NUP155: variants seen among roughly 807,000 people sequenced by gnomAD.
NUP155 encodes the protein nucleoporin 155.
Under a neutral mutation model 180.4 loss-of-function variants are expected in NUP155, and 71 were observed. The ratio of observed to expected loss-of-function variants is 0.39; its 90% CI spans 0.33 to 0.48. NUP155 has a LOEUF of 0.48. Among genes scored for constraint, NUP155 ranks in the 20% least tolerant of loss-of-function variants. The pLI, the probability that NUP155 is intolerant of heterozygous loss-of-function variation, is 0.91. For synonymous variants in NUP155, 582 were observed against 559.5 expected (o/e 1.04, Z -0.57); for missense variants, 1,553 against 1,648.9 (o/e 0.94, Z 1.01).
In NUP155 at chr5:37,290,111, ATGTAT is replaced by A. The variant is rs1383998808; in HGVS notation, c.*1784_*1788del. On this transcript the variant is annotated 3_prime_UTR_variant, in exon 35 of 35. Transcript: ENST00000231498. ...TAATGGAAGGAAAAATATATTCAAA[ATGTAT>A]TGTACAAATTGTTAGACATGCATCA... 1 of 152,212 alleles carries A rather than the reference ATGTAT, an allele frequency of 6.6e-6. No individual in the cohort carries two copies. The highest frequency in any genetic ancestry group is 1.5e-5 in the Non-Finnish European group (1 of 68,038). 9.4% of individuals were successfully genotyped at this position (152,212 alleles called of 1,614,324 possible). A position where few individuals can be genotyped will look rare whatever the true frequency, so the allele number is the denominator to read the frequency against.
At chr5:37,369,547 T>A (rs532434216) in intron 1 of NUP155, among the ~76,000 whole-genome samples, 3 of 151,844 alleles carry the variant, frequency 2.0e-5, no homozygotes, top group Non-Finnish European at 4.4e-5. Flanking sequence ...TGCACTGTTT[T>A]TATATCTTGT....
chr5:37,357,395 A>C (rs974658912), intron 4 of NUP155, among the ~76,000 whole-genome samples: 2 of 107,408 alleles, frequency 1.9e-5, no homozygotes, highest in African/African-American at 7.3e-5. Context: ...TAAGACCTTA[A>C]TCTCAAAAAA....
intron 20 of NUP155, among the ~76,000 whole-genome samples, chr5:37,318,791 C>T (rs1314679613): frequency 6.6e-6 from 1 of 151,994 alleles, no homozygotes; most frequent in Admixed American, 6.6e-5. Context: ...GAAGATATAC[C>T]TAAAGACATC....
chr5:37,317,172 A>T (rs1234723194), intron 21 of NUP155, among the ~76,000 whole-genome samples: 3 of 150,058 alleles, frequency 2.0e-5, no homozygotes, highest in Non-Finnish European at 4.4e-5. Context: ...CTGTCTCAAA[A>T]AAATAAATAA....
chr5:37,328,228 A>C, intron 17 of NUP155, 130 bp downstream of exon 17: 316 of 669,884 alleles, frequency 4.7e-4, no homozygotes, highest in Non-Finnish European at 6.9e-4. Context: ...TTGCTTGGAC[A>C]GCGCTTCTAA....
rs140633215 is a variant in NUP155, at chr5:37,308,991, G to A, written c.2767+138C>T. On this transcript the variant is annotated intron_variant, in intron 24 of 34. Coordinates refer to ENST00000231498, the MANE Select transcript of NUP155 (RefSeq NM_153485.3). Reference sequence around the variant, plus strand: ...CAACACAATGATACCACATTCCTACGTCCTTTCACTCGGCCTCTGATGCTG... The same window carrying A: ...CAACACAATGATACCACATTCCTACATCCTTTCACTCGGCCTCTGATGCTG... 3.3e-4 allele frequency: 251 copies of A among 766,304 alleles called. No homozygotes were observed. In the African/African-American group the frequency reaches 3.7e-3, roughly 11 times the overall value. The allele number at this position is 766,304 out of a possible 1,614,324, so 47.5% of individuals were successfully genotyped here. A position where few individuals can be genotyped will look rare whatever the true frequency, so the allele number is the denominator to read the frequency against.
At chr5:37,341,470 T>C (rs1014498291) in intron 10 of NUP155, among the ~76,000 whole-genome samples, 1 of 152,216 alleles carries the variant, frequency 6.6e-6, no homozygotes, top group African/African-American at 2.4e-5. Context: ...CAAGCGATTC[T>C]CCTGCCTTAG....
chr5:37,365,711 G>GAAAAAAAAAAAAAAAAA (rs1747518236), intron 1 of NUP155, among the ~76,000 whole-genome samples: 1 of 34,004 alleles, frequency 2.9e-5, no homozygotes. Flanking sequence ...CTGTCTCGGG[G>GAAAAAAAAAAAAAAAAA]AGAAAAAAAA....
chr5:37,313,782 C>CCT (rs1743683348), intron 22 of NUP155, among the ~76,000 whole-genome samples: 1 of 152,078 alleles, frequency 6.6e-6, no homozygotes, highest in Non-Finnish European at 1.5e-5. Context: ...GGATCACAGG[C>CCT]GTGAGGCATG....
At chr5:37,316,225 A>G (rs1193089152) in intron 21 of NUP155, among the ~76,000 whole-genome samples, 1 of 152,252 alleles carries the variant, frequency 6.6e-6, no homozygotes, top group Non-Finnish European at 1.5e-5. Context: ...ACATATACAC[A>G]ATAGAAATTA....
chr5:37,307,205 A>AAAC, intron 25 of NUP155, 92 bp downstream of exon 25: 1 of 1,375,238 alleles, frequency 7.3e-7, no homozygotes, highest in African/African-American at 1.5e-5. Flanking sequence ...CTCAAAAAAA[A>AAAC]AAAAAAAACA....
chr5:37,349,058 C>CTTT, intron 8 of NUP155, 114 bp downstream of exon 8: 6 of 280,086 alleles, frequency 2.1e-5, no homozygotes, highest in South Asian at 6.7e-5. Flanking sequence ...GCCCAGCAGG[C>CTTT]TTTTTTTTTT....
chr5:37,309,431 G>T, intron 23 of NUP155, 164 bp from the exon 24 acceptor site: 1 of 628,192 alleles, frequency 1.6e-6, no homozygotes, highest in Non-Finnish European at 2.7e-6. Context: ...AAAAGTTTTT[G>T]ACCAAAGATT....
intron 9 of NUP155, among the ~76,000 whole-genome samples, chr5:37,343,881 A>T (rs1397767492): frequency 6.6e-6 from 1 of 151,724 alleles, no homozygotes; most frequent in African/African-American, 2.4e-5. Context: ...ACAGACTGAG[A>T]CTCTATCTCA....
chr5:37,313,504 T>TGTGTGTGA (rs530096354), intron 22 of NUP155, among the ~76,000 whole-genome samples: 33 of 129,224 alleles, frequency 2.6e-4, no homozygotes, highest in African/African-American at 9.3e-4. Flanking sequence ...TGTGTGTGTG[T>TGTGTGTGA]GAGAGAGACA....
rs1246678352 is a variant in NUP155 at position 37,330,102 on chromosome 5, G to T, written c.1660C>A (p.Leu554Ile). 1 of 1,613,390 alleles carries T rather than the reference G, an allele frequency of 6.2e-7. No individual in the cohort carries two copies. The highest frequency in any genetic ancestry group is 2.2e-5 in the East Asian group (1 of 44,866). The change falls in exon 15 of 35, where the codon CTT becomes ATT. Residue 554 changes from leucine (L) to isoleucine (I), a missense_variant. Leu to Ile is a conservative substitution (Grantham distance 5). Transcript: ENST00000231498. ...TCACAGGCAGCAGTGGAGCAAGCAA[G>T]AATAAGGCAAGTTGCACAAGCCTGG... The part of the protein sequence containing the change: ...EDQACATCLI[L>I]ACSTAACDRE...
In NUP155 at chr5:37,367,572, G is replaced by A. The variant is rs1384155700; in HGVS notation, c.158-3188C>T. Among the ~76,000 whole-genome samples the A allele has an allele frequency of 3.5e-5, 5 of 144,682 alleles. No individual in the cohort carries two copies. The South Asian group carries it at 6.5e-4, about 19-fold the overall frequency. 94.9% of individuals were successfully genotyped at this position (144,682 alleles called of 152,430 possible). On this transcript the variant is annotated intron_variant, in intron 1 of 34. Coordinates refer to ENST00000231498, the MANE Select transcript of NUP155 (RefSeq NM_153485.3). ...TTTTGAGACGGAGTCTCACTCTGTCGCCCAGGCTGGAATGCAGTGGCGCGA... is the reference window on the plus strand; with the variant it reads ...TTTTGAGACGGAGTCTCACTCTGTCACCCAGGCTGGAATGCAGTGGCGCGA...
intron 14 of NUP155, 52 bp from the exon 15 acceptor site, chr5:37,330,184 A>G: frequency 1.6e-6 from 2 of 1,247,396 alleles, no homozygotes; most frequent in Non-Finnish European, 1.2e-6. Flanking sequence ...TTTTAAAATG[A>G]TTTGTGTACT....
At chr5:37,309,866 G>A (rs770008528) in intron 23 of NUP155, among the ~76,000 whole-genome samples, 2 of 151,994 alleles carry the variant, frequency 1.3e-5, no homozygotes, top group Non-Finnish European at 2.9e-5. Context: ...AGACAACATG[G>A]TGAAATCCTG....
Sources: gnomAD v4.1 joint callset for allele counts (sites outside exome capture counted in the v4.1 genomes callset) on GRCh38, gnomAD v4.1.1 for gene constraint, MANE v1.5 for transcripts, NCBI Gene and HGNC (gene_info 2026-07-23, HGNC 2026-07-21) for gene names.